The following PARD3B variants were observed in gnomAD, a reference collection of about 807,000 sequenced individuals.
The protein encoded by PARD3B is partitioning defective 3 homolog B.
Under a neutral mutation model 130.2 loss-of-function variants are expected in PARD3B, and 103 were observed. The observed-to-expected ratio is 0.79, with a 90% confidence interval of 0.67 to 0.93. The LOEUF is 0.93. Among genes scored for constraint, PARD3B ranks in the 40% least tolerant of loss-of-function variants. The probability of loss-of-function intolerance (pLI) is 0.00; values close to 1 mark genes in which losing one functional copy is unlikely to be tolerated. For synonymous variants in PARD3B, 583 were observed against 553.2 expected (o/e 1.05, Z -0.76); for missense variants, 1,609 against 1,499.2 (o/e 1.07, Z -1.21).
chr2:204,702,040 C>T (rs549846614), intron 2 of PARD3B, among the ~76,000 whole-genome samples: 1 of 152,278 alleles, frequency 6.6e-6, no homozygotes, highest in South Asian at 2.1e-4. Context: ...TAATGGCCTC[C>T]AGCTGCATTC....
intron 19 of PARD3B, among the ~76,000 whole-genome samples, chr2:205,406,949 A>G (rs2046435388): frequency 6.6e-6 from 1 of 152,130 alleles, no homozygotes; most frequent in Non-Finnish European, 1.5e-5. Context: ...GATTACAGGC[A>G]TAAGCCACTG....
At chr2:204,637,656 C>T (rs2034932617) in intron 1 of PARD3B, among the ~76,000 whole-genome samples, 1 of 151,512 alleles carries the variant, frequency 6.6e-6, no homozygotes, top group Admixed American at 6.6e-5. Flanking sequence ...TTTTATTACT[C>T]GTGATTTACA....
At chr2:205,356,698 C>G (rs891333605) in intron 18 of PARD3B, among the ~76,000 whole-genome samples, 2 of 152,088 alleles carry the variant, frequency 1.3e-5, no homozygotes, top group Non-Finnish European at 2.9e-5. Flanking sequence ...CAACACCAGC[C>G]TGGCCAATAT....
intron 2 of PARD3B, among the ~76,000 whole-genome samples, chr2:204,959,573 G>A (rs1690567190): frequency 6.6e-6 from 1 of 152,148 alleles, no homozygotes; most frequent in South Asian, 2.1e-4. Flanking sequence ...CACAATGGTA[G>A]AACTAATTTA....
intron 2 of PARD3B, among the ~76,000 whole-genome samples, chr2:204,875,254 A>G (rs1050034297): frequency 2.0e-5 from 3 of 152,180 alleles, no homozygotes; most frequent in South Asian, 2.1e-4. Context: ...GTCACTCTCC[A>G]TTCCCAATCT....
At chr2:204,596,265 A>G (rs186877003) in intron 1 of PARD3B, among the ~76,000 whole-genome samples, 3 of 152,144 alleles carry the variant, frequency 2.0e-5, no homozygotes, top group Non-Finnish European at 2.9e-5. Flanking sequence ...TCCTTACCCC[A>G]CAAGTATCCA....
intron 22 of PARD3B, 127 bp from the exon 23 acceptor site, chr2:205,615,329 G>C: frequency 1.4e-6 from 1 of 714,220 alleles, no homozygotes. Context: ...TATCACTTCT[G>C]CTCCCATCCC....
chr2:204,681,723 A>G (rs2036844073), intron 1 of PARD3B, among the ~76,000 whole-genome samples: 1 of 152,180 alleles, frequency 6.6e-6, no homozygotes, highest in African/African-American at 2.4e-5. Context: ...TGCCCCAAAC[A>G]GTCTGCAGAC....
chr2:205,091,598 A>G lies in PARD3B; in HGVS notation c.505-12828A>G, dbSNP rs1401659779. On this transcript the variant is annotated intron_variant, in intron 4 of 22. Coordinates refer to ENST00000406610, the MANE Select transcript of PARD3B (RefSeq NM_001302769.2). This position sits in a 1 kb window ranked among gnomAD's most constrained non-coding sequence, Gnocchi z 4.2. ...CATTTATCATCATCTCAGTGCTACA[A>G]GTCTCTTACAATTCTGTCAAAGATA... 6.6e-6 allele frequency among the ~76,000 whole-genome samples: 1 copy of G among 152,158 alleles called. No individual in the cohort carries two copies. Among genetic ancestry groups the G allele is most frequent in the South Asian group, 2.1e-4 (1 of 4,824 alleles).
At chr2:205,191,075 G>GAAAAAAAAAAAAAAAAAAAAAA (rs5837960) in intron 14 of PARD3B, among the ~76,000 whole-genome samples, 1 of 97,746 alleles carries the variant, frequency 1.0e-5, no homozygotes. Flanking sequence ...GAAAGAAATA[G>GAAAAAAAAAAAAAAAAAAAAAA]AAAAAAAAAA....
chr2:205,087,145 G>C (rs2053178360), intron 4 of PARD3B, among the ~76,000 whole-genome samples: 1 of 152,030 alleles, frequency 6.6e-6, no homozygotes, highest in South Asian at 2.1e-4. Flanking sequence ...ACAAACAAAA[G>C]ACAGGCGTCT....
intron 10 of PARD3B, among the ~76,000 whole-genome samples, chr2:205,126,747 C>T (rs1480016571): frequency 2.0e-4 from 13 of 63,790 alleles, no homozygotes; most frequent in African/African-American, 9.8e-4. Flanking sequence ...AGCGAGACTC[C>T]GTCTCAAAAA....
chr2:204,885,724 T>C (rs1294184062), intron 2 of PARD3B, among the ~76,000 whole-genome samples: 1 of 152,218 alleles, frequency 6.6e-6, no homozygotes, highest in Non-Finnish European at 1.5e-5. Flanking sequence ...ACAGAATATA[T>C]TTTAATGTGT....
chr2:205,611,475 G>A (rs1394048404), intron 22 of PARD3B, among the ~76,000 whole-genome samples: 2 of 152,164 alleles, frequency 1.3e-5, no homozygotes, highest in Admixed American at 1.3e-4. Flanking sequence ...AAATCCTTAT[G>A]TAAACAAAGT....
intron 2 of PARD3B, 65 bp from the exon 3 acceptor site, chr2:204,965,087 C>T (rs1448705556): frequency 6.7e-7 from 1 of 1,488,016 alleles, no homozygotes; most frequent in East Asian, 2.3e-5. Context: ...TCACGTTCAG[C>T]TAGATAGTGT....
chr2:205,126,608 C>T (rs1314450467), intron 10 of PARD3B, among the ~76,000 whole-genome samples: 1 of 150,706 alleles, frequency 6.6e-6, no homozygotes, highest in South Asian at 2.1e-4. Context: ...TAGCCGGGCG[C>T]GGTGGCGGGC....
At chr2:204,701,700 A>C (rs886965697) in intron 2 of PARD3B, among the ~76,000 whole-genome samples, 1 of 152,190 alleles carries the variant, frequency 6.6e-6, no homozygotes, top group Non-Finnish European at 1.5e-5. Flanking sequence ...GTATTTAACG[A>C]TGACTTCTAC....
At chr2:205,290,339 T>G (rs931067539) in intron 16 of PARD3B, among the ~76,000 whole-genome samples, 1 of 152,218 alleles carries the variant, frequency 6.6e-6, no homozygotes, top group Non-Finnish European at 1.5e-5. Context: ...TGTTTAATCT[T>G]TTATTTCTGA....
chr2:204,862,679 G>T (rs2045258475), intron 2 of PARD3B, among the ~76,000 whole-genome samples: 1 of 152,128 alleles, frequency 6.6e-6, no homozygotes, highest in Non-Finnish European at 1.5e-5. Context: ...ACTCACATCT[G>T]TTCTTGTCAC....
Sources: gnomAD v4.1 joint callset for allele counts (sites outside exome capture counted in the v4.1 genomes callset) on GRCh38, gnomAD v4.1.1 for gene constraint, Gnocchi (gnomAD v3.1) non-coding constraint, MANE v1.5 for transcripts, NCBI Gene and HGNC (gene_info 2026-07-23, HGNC 2026-07-21) for gene names.